POU2F1: variants seen among roughly 807,000 people sequenced by gnomAD.
POU2F1 encodes POU domain, class 2, transcription factor 1.
A neutral mutation model predicts 84.9 loss-of-function variants in POU2F1; 16 were observed. That is an observed-to-expected ratio of 0.19 (90% confidence interval 0.13 to 0.29). The LOEUF (loss-of-function observed/expected upper bound fraction) is 0.29. Among genes scored for constraint, POU2F1 ranks in the 10% least tolerant of loss-of-function variants. The pLI is 1.00. For synonymous variants in POU2F1, 368 were observed against 368.3 expected (o/e 1.00, Z 0.01); for missense variants, 738 against 942.6 (o/e 0.78, Z 2.84).
At chr1:167,305,159 A>C (rs1461700297) in intron 1 of POU2F1, among the ~76,000 whole-genome samples, 1 of 152,042 alleles carries the variant, frequency 6.6e-6, no homozygotes. Context: ...CTGGCTGGCC[A>C]AAAGAGGGTG....
chr1:167,349,496 C>A (rs553471008), intron 2 of POU2F1, among the ~76,000 whole-genome samples: 1 of 152,064 alleles, frequency 6.6e-6, no homozygotes, highest in African/African-American at 2.4e-5. Context: ...GTAAGCTCCA[C>A]GAAGGACATT....
intron 1 of POU2F1, chr1:167,329,304 T>C: frequency 6.5e-7 from 1 of 1,549,032 alleles, no homozygotes; most frequent in Non-Finnish European, 8.7e-7. Context: ...GACTATGTTC[T>C]AGGTGGGTAC....
At position 167,418,057 on chromosome 1, in the gene POU2F1, ATGTTT is replaced by A. The variant is rs1650421538; in HGVS notation, c.*2259_*2263del. The A allele has an allele frequency of 1.3e-5, 2 of 152,120 alleles. No homozygotes were observed. The highest frequency in any genetic ancestry group is 1.9e-4 in the East Asian group (1 of 5,166). The allele number at this position is 152,120 out of a possible 1,614,324, so 9.4% of individuals were successfully genotyped here. ...CCCTTTTTGTGTGGTGTGTTTTTTT[ATGTTT>A]TGTTTTGTTTTTTAACTAAGCTTGA... On this transcript the variant is annotated 3_prime_UTR_variant, in exon 16 of 16. Transcript: ENST00000367866.
intron 10 of POU2F1, 71 bp from the exon 11 acceptor site, chr1:167,397,923 A>G (rs1222510288): frequency 1.0e-5 from 15 of 1,431,536 alleles, no homozygotes; most frequent in African/African-American, 1.4e-5. Flanking sequence ...TTTTGTTGTT[A>G]ATATGCATAT....
chr1:167,301,686 A>G (rs146033382), intron 1 of POU2F1, among the ~76,000 whole-genome samples: 4 of 152,244 alleles, frequency 2.6e-5, no homozygotes, highest in Admixed American at 2.0e-4. Flanking sequence ...TAACCATCAT[A>G]TTGGAAGGGT....
intron 1 of POU2F1, among the ~76,000 whole-genome samples, chr1:167,252,691 A>G (rs1380346484): frequency 3.3e-5 from 5 of 152,214 alleles, no homozygotes; most frequent in African/African-American, 1.2e-4. Flanking sequence ...AAACCAAAGA[A>G]TGTTCATAAC....
chr1:167,397,198 CTG>C (rs1327046501), intron 10 of POU2F1, among the ~76,000 whole-genome samples: 1 of 152,144 alleles, frequency 6.6e-6, no homozygotes, highest in Non-Finnish European at 1.5e-5. Context: ...GGTTATTAAA[CTG>C]TGAAATTATA....
At position 167,416,184 on chromosome 1, in the gene POU2F1, A is replaced by C. The variant is rs1478213156; in HGVS notation, c.*374A>C. The C allele has an allele frequency of 2.8e-6, 1 of 353,304 alleles. No individual in the cohort carries two copies. Among genetic ancestry groups the C allele is most frequent in the Non-Finnish European group, 5.3e-6 (1 of 187,916 alleles). 21.9% of individuals were successfully genotyped at this position (353,304 alleles called of 1,614,324 possible). A position where few individuals can be genotyped will look rare whatever the true frequency, so the allele number is the denominator to read the frequency against. ...TTCCAGCAGTCATGATGACAAGTTA[A>C]GGTGGGTTACCAATTCCAATATAGG... On this transcript the variant is annotated 3_prime_UTR_variant, in exon 16 of 16. Transcript: ENST00000367866.
Position 167,313,848 on chromosome 1 carries a change from C to T in POU2F1, c.62-18622C>T, listed in dbSNP as rs1185376601. Among the ~76,000 whole-genome samples the T allele has an allele frequency of 7.9e-5, 12 of 152,172 alleles. No individual in the cohort carries two copies. In the East Asian group the frequency reaches 2.3e-3, roughly 29 times the overall value. On this transcript the variant is annotated intron_variant, in intron 1 of 15. Transcript: ENST00000367866. ...TGCAAAGAACATATCTAATAAAGGA[C>T]TCCTGTCTACAATGTATAAAGAACT...
At chr1:167,376,481 G>T (rs1370168086) in intron 7 of POU2F1, 1 of 204,826 alleles carries the variant, frequency 4.9e-6, no homozygotes, top group Non-Finnish European at 9.8e-6. Flanking sequence ...TGTTTTTCAT[G>T]GAAGTGTATT....
intron 1 of POU2F1, among the ~76,000 whole-genome samples, chr1:167,308,114 T>C (rs1040179014): frequency 6.6e-6 from 1 of 151,710 alleles, no homozygotes; most frequent in Non-Finnish European, 1.5e-5. Flanking sequence ...TCACCCAGGC[T>C]GGAGTGCAGT....
intron 1 of POU2F1, among the ~76,000 whole-genome samples, chr1:167,227,284 T>G (rs1056517606): frequency 3.3e-5 from 5 of 152,214 alleles, no homozygotes; most frequent in African/African-American, 1.2e-4. Flanking sequence ...AACTTTATGC[T>G]TTTTATGTTG....
chr1:167,393,115 G>A (rs561972979), intron 9 of POU2F1, among the ~76,000 whole-genome samples: 197 of 152,146 alleles, frequency 1.3e-3, no homozygotes, highest in African/African-American at 4.7e-3. Context: ...CTCAGTTTTT[G>A]TTCCTTTTTT....
chr1:167,253,660 C>T (rs1338470078), intron 1 of POU2F1, among the ~76,000 whole-genome samples: 2 of 152,096 alleles, frequency 1.3e-5, no homozygotes, highest in East Asian at 3.8e-4. Context: ...TTCTTGAGCT[C>T]AAGTGATCCG....
intron 1 of POU2F1, among the ~76,000 whole-genome samples, chr1:167,288,344 G>A (rs6657119): frequency 0.61 from 93,243 of 152,050 alleles, 30,395 homozygotes; most frequent in East Asian, 0.87. Flanking sequence ...CAGAAATTAA[G>A]AGAAGCTGGA....
chr1:167,389,795 C>T (rs778180700), intron 9 of POU2F1, 34 bp downstream of exon 9: 16 of 1,594,308 alleles, frequency 1.0e-5, no homozygotes, highest in Non-Finnish European at 1.4e-5. Flanking sequence ...GATTCCCCTC[C>T]TTGGCTGGGT....
chr1:167,272,244 T>C (rs1324367093), intron 1 of POU2F1, among the ~76,000 whole-genome samples: 1 of 152,038 alleles, frequency 6.6e-6, no homozygotes. Context: ...CAGGAATAAA[T>C]GCTTTTTTTG....
chr1:167,414,220 G>T (rs551270534), intron 15 of POU2F1: 5 of 683,950 alleles, frequency 7.3e-6, no homozygotes, highest in African/African-American at 3.9e-5. Flanking sequence ...TAAAGCTTTT[G>T]TTATATAATA....
At chr1:167,346,829 T>A (rs1658234885) in intron 2 of POU2F1, among the ~76,000 whole-genome samples, 1 of 152,238 alleles carries the variant, frequency 6.6e-6, no homozygotes, top group African/African-American at 2.4e-5. Context: ...TGATTATGCT[T>A]CTTACTTTTG....
Sources: gnomAD v4.1 joint callset for allele counts (sites outside exome capture counted in the v4.1 genomes callset) on GRCh38, gnomAD v4.1.1 for gene constraint, MANE v1.5 for transcripts, NCBI Gene and HGNC (gene_info 2026-07-23, HGNC 2026-07-21) for gene names.